Variants in ZNF566 observed in about 807,000 individuals in gnomAD.
ZNF566 encodes the protein zinc finger protein 566.
ZNF566 carries 27 observed loss-of-function variants against 32.8 expected under a neutral mutation model. The ratio of observed to expected loss-of-function variants is 0.82; its 90% CI spans 0.61 to 1.14. The LOEUF (loss-of-function observed/expected upper bound fraction) is 1.14, where lower values mean the gene tolerates loss of function less well. Ranked by LOEUF, ZNF566 falls within the 50% of genes most tolerant of loss-of-function variation. The probability of loss-of-function intolerance (pLI) is 0.00; values close to 1 mark genes in which losing one functional copy is unlikely to be tolerated. For missense variants in ZNF566, 402 were observed against 490.4 expected (o/e 0.82, Z 1.70); for synonymous variants, 154 against 159.5 (o/e 0.97, Z 0.26).
At chr19:36,464,003 G>C (rs1390556101) in intron 4 of ZNF566, among the ~76,000 whole-genome samples, 1 of 151,900 alleles carries the variant, frequency 6.6e-6, no homozygotes, top group East Asian at 1.9e-4. Flanking sequence ...TGGGATTACA[G>C]GTATGAGCCA....
rs2033344932 is a variant in ZNF566 at position 36,457,452 on chromosome 19, G to C, written c.233-7451C>G. ...GATGCTAATATCCAAAATGTATAAG[G>C]AACTCAACTCAGTAACAAGAAAACA... On this transcript the variant is annotated intron_variant, in intron 4 of 4. Coordinates refer to ENST00000452939, the MANE Select transcript of ZNF566 (RefSeq NM_001145344.1). 2.6e-5 allele frequency among the ~76,000 whole-genome samples: 4 copies of C among 151,976 alleles called. No homozygotes were observed. The South Asian group carries it at 8.3e-4, about 32-fold the overall frequency.
intron 2 of ZNF566, among the ~76,000 whole-genome samples, chr19:36,475,267 G>A (rs1401989191): frequency 6.6e-6 from 1 of 151,994 alleles, no homozygotes; most frequent in Non-Finnish European, 1.5e-5. Context: ...CTAGTCACCT[G>A]GGTTCAAGCA....
chr19:36,483,347 C>A (rs1451975747), intron 1 of ZNF566, among the ~76,000 whole-genome samples: 1 of 152,130 alleles, frequency 6.6e-6, no homozygotes, highest in Non-Finnish European at 1.5e-5. Flanking sequence ...CAAAGACACA[C>A]CAGTAGCAAT....
chr19:36,456,317 C>G (rs986386966), intron 4 of ZNF566: 1 of 149,606 alleles, frequency 6.7e-6, no homozygotes, highest in African/African-American at 2.5e-5. Flanking sequence ...AGGTGGATTG[C>G]CTGAGCTCAG....
At chr19:36,472,132 G>C (rs1016050033) in intron 4 of ZNF566, among the ~76,000 whole-genome samples, 2 of 152,164 alleles carry the variant, frequency 1.3e-5, no homozygotes, top group Non-Finnish European at 2.9e-5. Context: ...CTAAATGAAT[G>C]AATGTGCTGT....
rs1436909129 is a variant in ZNF566, at chr19:36,489,543, G to A, written c.-117C>T. ...CTGGGGTAGTTGCTGGTAAAGCCCT[G>A]AGGGTCCCGCCAGCGCGTGAGTTGG... is the stretch of plus-strand genomic sequence containing the variant. On this transcript the variant is annotated 5_prime_UTR_variant, in exon 1 of 5. Coordinates refer to ENST00000452939, the MANE Select transcript of ZNF566 (RefSeq NM_001145344.1). 8.4e-6 allele frequency: 3 copies of A among 356,648 alleles called. No individual in the cohort carries two copies. Among genetic ancestry groups the A allele is most frequent in the Non-Finnish European group, 1.1e-5 (2 of 180,440 alleles). The allele number at this position is 356,648 out of a possible 1,614,324, so 22.1% of individuals were successfully genotyped here.
chr19:36,449,136 G>C lies in ZNF566; in HGVS notation c.1098C>G (p.Pro366=), dbSNP rs2033072289. ...RHQRIHTGEK[P]YECKICGKAY... ...CCTTCCCACATATCTTACATTCATA[G>C]GGTTTCTCCCCAGTATGAATTCTCT... Residue 366 remains proline (P), a synonymous_variant, in exon 5 of 5, where the codon CCC becomes CCG. Transcript: ENST00000452939. 1.2e-6 allele frequency: 2 copies of C among 1,613,912 alleles called. No homozygotes were observed. Among genetic ancestry groups the C allele is most frequent in the Non-Finnish European group, 1.7e-6 (2 of 1,179,994 alleles).
intron 4 of ZNF566, among the ~76,000 whole-genome samples, chr19:36,457,766 T>G (rs1251037851): frequency 6.6e-6 from 1 of 152,070 alleles, no homozygotes; most frequent in Non-Finnish European, 1.5e-5. Flanking sequence ...TGGAGGGCAC[T>G]TGTAATCTCA....
chr19:36,477,970 C>A (rs1786116969), intron 1 of ZNF566, among the ~76,000 whole-genome samples: 1 of 152,004 alleles, frequency 6.6e-6, no homozygotes, highest in Non-Finnish European at 1.5e-5. Flanking sequence ...TGGTGTTTTG[C>A]TTATTAGCTA....
intron 4 of ZNF566, among the ~76,000 whole-genome samples, chr19:36,453,102 A>G (rs189025392): frequency 7.7e-4 from 114 of 148,064 alleles, no homozygotes; most frequent in Middle Eastern, 3.6e-3. Flanking sequence ...TGGGCAACAG[A>G]GCAAGACTCT....
intron 1 of ZNF566, among the ~76,000 whole-genome samples, chr19:36,477,533 TTTTGTTTG>T (rs950980880): frequency 9.4e-6 from 1 of 106,082 alleles, no homozygotes; most frequent in South Asian, 3.3e-4. Flanking sequence ...TCTGTTTTTT[TTTTGTTTG>T]TTTGTTTGTT....
At chr19:36,476,511 A>G (rs1178240787) in intron 2 of ZNF566, 38 bp downstream of exon 2, 10 of 1,583,172 alleles carry the variant, frequency 6.3e-6, no homozygotes, top group Non-Finnish European at 8.7e-6. Flanking sequence ...CTAGAAGTAA[A>G]AATCACTCTA....
chr19:36,459,130 T>G (rs1399618620), intron 4 of ZNF566, among the ~76,000 whole-genome samples: 3 of 152,104 alleles, frequency 2.0e-5, no homozygotes, highest in Non-Finnish European at 4.4e-5. Context: ...CAGAAAATAA[T>G]AAGTCATAGG....
At chr19:36,484,210 C>G (rs2034101127) in intron 1 of ZNF566, among the ~76,000 whole-genome samples, 1 of 152,192 alleles carries the variant, frequency 6.6e-6, no homozygotes. Flanking sequence ...GAACACTCAG[C>G]AGTGTATGAG....
intron 2 of ZNF566, among the ~76,000 whole-genome samples, chr19:36,474,867 T>C (rs1309080812): frequency 6.6e-6 from 1 of 152,234 alleles, no homozygotes. Context: ...TATAAGGCTA[T>C]AAATGACATC....
At chr19:36,467,468 C>A (rs2145674149) in intron 4 of ZNF566, among the ~76,000 whole-genome samples, 1 of 144,634 alleles carries the variant, frequency 6.9e-6, no homozygotes, top group South Asian at 2.2e-4. Flanking sequence ...TTCAAAAAAC[C>A]AATGACTTGA....
At chr19:36,457,540 T>C (rs1203243362) in intron 4 of ZNF566, among the ~76,000 whole-genome samples, 1 of 152,086 alleles carries the variant, frequency 6.6e-6, no homozygotes, top group Non-Finnish European at 1.5e-5. Flanking sequence ...AATAGGTATA[T>C]GAAAAAACAC....
chr19:36,464,104 A>T (rs1464639915), intron 4 of ZNF566, among the ~76,000 whole-genome samples: 1 of 152,198 alleles, frequency 6.6e-6, no homozygotes, highest in Non-Finnish European at 1.5e-5. Flanking sequence ...TATATGAAAG[A>T]TCAAAGAGAT....
Position 36,454,918 on chromosome 19 carries a change from A to T in ZNF566, c.233-4917T>A, listed in dbSNP as rs79719655. ...ACCCTGATACCAAAACCAGACAAAA[A>T]ATCTACAAGAAAATTACAGGCCAAT... is the stretch of plus-strand genomic sequence containing the variant. On this transcript the variant is annotated intron_variant, in intron 4 of 4. Transcript: ENST00000452939. Among the ~76,000 whole-genome samples the T allele has an allele frequency of 6.1e-3, 928 of 152,284 alleles. 4 individuals are homozygous for T. Among genetic ancestry groups the T allele is most frequent in the South Asian group, 0.011 (51 of 4,828 alleles).
Sources: gnomAD v4.1 joint callset for allele counts (sites outside exome capture counted in the v4.1 genomes callset) on GRCh38, gnomAD v4.1.1 for gene constraint, MANE v1.5 for transcripts, NCBI Gene and HGNC (gene_info 2026-07-23, HGNC 2026-07-21) for gene names.